The following ADAMTSL1 variants were observed in gnomAD, a reference collection of about 807,000 sequenced individuals.
The protein encoded by ADAMTSL1 is ADAMTS like 1.
Under a neutral mutation model 201.8 loss-of-function variants are expected in ADAMTSL1, and 126 were observed. That is an observed-to-expected ratio of 0.62 (90% CI 0.54 to 0.72). The LOEUF (loss-of-function observed/expected upper bound fraction) is 0.72. ADAMTSL1 is among the 30% of genes least tolerant of loss of function. The pLI is 0.00. For missense variants in ADAMTSL1, 2,679 were observed against 2,277.8 expected (o/e 1.18, Z -3.59); for synonymous variants, 1,121 against 903.4 (o/e 1.24, Z -4.32).
rs189483160 is a variant in ADAMTSL1 at position 18,038,584 on chromosome 9, A to G, written c.88-125278A>G. On this transcript the variant is annotated intron_variant, in intron 1 of 29. Coordinates refer to the ADAMTSL1 transcript ENST00000680146. ...TGCTATTTTGCCTAAAGGATTTCAA[A>G]GGGTGATACAGAAAAGCGGGAAAAC... Among the ~76,000 whole-genome samples, 495 of 152,326 alleles carry G rather than the reference A, an allele frequency of 3.2e-3. 1 individual carries two copies. The highest frequency in any genetic ancestry group is 0.011 in the African/African-American group (464 of 41,574).
intron 1 of ADAMTSL1, among the ~76,000 whole-genome samples, chr9:18,012,576 A>T (rs939764848): frequency 6.6e-6 from 1 of 152,066 alleles, no homozygotes; most frequent in African/African-American, 2.4e-5. Flanking sequence ...ATTTAAAAGC[A>T]TGAGGGAAGA....
At chr9:18,571,661 CG>C (rs1822310924) in intron 3 of ADAMTSL1, among the ~76,000 whole-genome samples, 1 of 152,132 alleles carries the variant, frequency 6.6e-6, no homozygotes, top group Admixed American at 6.5e-5. Flanking sequence ...GAGACTCTAT[CG>C]TATCTCAAGT....
intron 1 of ADAMTSL1, among the ~76,000 whole-genome samples, chr9:17,972,920 A>G (rs905605960): frequency 6.7e-6 from 1 of 149,594 alleles, no homozygotes; most frequent in Non-Finnish European, 1.5e-5. Context: ...GCCAGTGATG[A>G]TGGGCATTTT....
intron 2 of ADAMTSL1, among the ~76,000 whole-genome samples, chr9:18,530,303 T>A (rs909972404): frequency 1.3e-5 from 2 of 152,142 alleles, no homozygotes; most frequent in Non-Finnish European, 2.9e-5. Flanking sequence ...AATTCAGATT[T>A]GTTTCCATAA....
chr9:18,535,405 T>C (rs1248529305), intron 3 of ADAMTSL1, among the ~76,000 whole-genome samples: 1 of 152,188 alleles, frequency 6.6e-6, no homozygotes, highest in African/African-American at 2.4e-5. Flanking sequence ...GTTCCGAATT[T>C]TCCCACATCT....
chr9:18,643,208 AT>A (rs1301268945), intron 7 of ADAMTSL1, among the ~76,000 whole-genome samples: 2 of 152,048 alleles, frequency 1.3e-5, no homozygotes, highest in African/African-American at 4.8e-5. Flanking sequence ...CCTGTTGGCC[AT>A]TTGTATGTCT....
intron 26 of ADAMTSL1, among the ~76,000 whole-genome samples, chr9:18,899,275 C>G (rs1372691467): frequency 6.6e-6 from 1 of 152,090 alleles, no homozygotes; most frequent in Non-Finnish European, 1.5e-5. Context: ...GATCTACAAA[C>G]CACTGCTCGA....
chr9:18,751,329 G>A (rs1284642819), intron 15 of ADAMTSL1, among the ~76,000 whole-genome samples: 2 of 152,194 alleles, frequency 1.3e-5, no homozygotes, highest in African/African-American at 4.8e-5. Flanking sequence ...TTTGGAGACA[G>A]CATGGTACAA....
chr9:18,406,431 C>T (rs936961934), intron 2 of ADAMTSL1, among the ~76,000 whole-genome samples: 18 of 151,784 alleles, frequency 1.2e-4, no homozygotes, highest in Admixed American at 5.3e-4. Flanking sequence ...TGGGTTCAAG[C>T]GACTCTCCTG....
chr9:18,491,033 T>C (rs942125107), intron 1 of ADAMTSL1, among the ~76,000 whole-genome samples: 3 of 152,068 alleles, frequency 2.0e-5, no homozygotes, highest in Admixed American at 6.5e-5. Flanking sequence ...AAAAGGGAGC[T>C]TGGTTTTAAT....
chr9:18,387,304 A>C (rs865864858), intron 2 of ADAMTSL1, among the ~76,000 whole-genome samples: 12 of 152,042 alleles, frequency 7.9e-5, no homozygotes, highest in African/African-American at 2.9e-4. Flanking sequence ...GCCAAGTTTC[A>C]CCAGTCTTAC....
chr9:18,478,596 G>T (rs1232430909), intron 1 of ADAMTSL1, among the ~76,000 whole-genome samples: 2 of 152,126 alleles, frequency 1.3e-5, no homozygotes, highest in Non-Finnish European at 2.9e-5. Context: ...CCAGTTTCCA[G>T]GAATGACACG....
intron 14 of ADAMTSL1, chr9:18,718,634 C>A (rs1833119966): frequency 5.5e-6 from 2 of 361,656 alleles, no homozygotes; most frequent in South Asian, 4.3e-5. Context: ...AGTCCTGCCG[C>A]TGCCGCCGCC....
At chr9:18,062,377 A>G (rs1209106567) in intron 1 of ADAMTSL1, among the ~76,000 whole-genome samples, 1 of 152,196 alleles carries the variant, frequency 6.6e-6, no homozygotes, top group Non-Finnish European at 1.5e-5. Context: ...CACAGAATGT[A>G]TTTGAATGCT....
In ADAMTSL1 at chr9:18,587,088, C is replaced by G. The variant is rs578114810; in HGVS notation, c.474+12822C>G. Among the ~76,000 whole-genome samples, 10 of 152,168 alleles carry G rather than the reference C, an allele frequency of 6.6e-5. No homozygotes were observed. In the South Asian group the frequency reaches 1.0e-3, roughly 16 times the overall value. On this transcript the variant is annotated intron_variant, in intron 4 of 28. Transcript: ENST00000380548. ...CCGAAAGCAATTCAACAAAAGCAAACATTGACAAATGAAATCTAATTAAAC... is the reference window on the plus strand; with the variant it reads ...CCGAAAGCAATTCAACAAAAGCAAAGATTGACAAATGAAATCTAATTAAAC...
chr9:18,493,590 A>G (rs1426833129), intron 1 of ADAMTSL1, among the ~76,000 whole-genome samples: 1 of 152,236 alleles, frequency 6.6e-6, no homozygotes, highest in Non-Finnish European at 1.5e-5. Flanking sequence ...TGACAGGTTA[A>G]TCATCTTTCA....
intron 2 of ADAMTSL1, among the ~76,000 whole-genome samples, chr9:18,423,903 T>C (rs189233548): frequency 6.6e-6 from 1 of 152,364 alleles, no homozygotes; most frequent in Admixed American, 6.5e-5. Context: ...CAGTATGAGA[T>C]TAAGATAAAT....
At chr9:18,097,914 G>A (rs533896517) in intron 1 of ADAMTSL1, among the ~76,000 whole-genome samples, 4 of 151,208 alleles carry the variant, frequency 2.6e-5, no homozygotes, top group African/African-American at 9.7e-5. Context: ...CTCCCAAAAT[G>A]GTGAGGATTT....
intron 7 of ADAMTSL1, among the ~76,000 whole-genome samples, chr9:18,649,264 T>C (rs1352078484): frequency 6.6e-6 from 1 of 152,074 alleles, no homozygotes; most frequent in Admixed American, 6.5e-5. Context: ...CTTCTCTGTA[T>C]TGGTTATTCT....
Sources: allele counts gnomAD v4.1 joint callset (sites outside exome capture counted in the v4.1 genomes callset), GRCh38; gene constraint gnomAD v4.1.1; transcripts MANE v1.5; gene names NCBI Gene and HGNC (gene_info 2026-07-23, HGNC 2026-07-21).